Variants in CEP72 observed in about 807,000 individuals in gnomAD.
CEP72 encodes centrosomal protein 72.
A neutral mutation model predicts 65.7 loss-of-function variants in CEP72; 78 were observed. That is an observed-to-expected ratio of 1.19 (90% CI 0.99 to 1.43). CEP72 has a LOEUF of 1.43. CEP72 is among the 40% of genes most tolerant of loss of function. The probability of loss-of-function intolerance (pLI) is 0.00; values close to 1 mark genes in which losing one functional copy is unlikely to be tolerated. For synonymous variants in CEP72, 358 were observed against 351.7 expected, an observed-to-expected ratio of 1.02 and a Z score of -0.20; for missense variants, 914 against 832.9, an observed-to-expected ratio of 1.10 and a Z score of -1.20.
the CEP72 span, among the ~76,000 whole-genome samples, chr5:672,721 C>A: frequency 3.9e-5 from 6 of 152,236 alleles, no homozygotes; most frequent in African/African-American, 1.2e-4. Flanking sequence ...TACCGGGCCC[C>A]ACTCCCACCG....
chr5:633,847 C>A lies in CEP72; in HGVS notation c.591C>A (p.Val197=). Residue 197 remains valine, a synonymous_variant, in exon 5 of 12, where the codon GTC becomes GTA. Transcript: ENST00000264935. ...SLVMDADDEA[V]LNLIAECEWD... ...TCATGGATGCGGATGACGAGGCAGT[C>A]CTGAACCTCATTGCAGAGTGCGAGT... The A allele has an allele frequency of 1.2e-6, 2 of 1,614,020 alleles. No individual in the cohort carries two copies. The highest frequency in any genetic ancestry group is 1.7e-6 in the Non-Finnish European group (2 of 1,180,050).
chr5:675,052 TG>T, the CEP72 span, among the ~76,000 whole-genome samples: 1 of 13,458 alleles, frequency 7.4e-5, no homozygotes, highest in Non-Finnish European at 1.4e-4. Flanking sequence ...ACAGTATGGC[TG>T]GGGGTGCAGT....
At chr5:657,646 C>T (rs1217784776), downstream of CEP72, among the ~76,000 whole-genome samples, 2 of 152,164 alleles carry the variant, frequency 1.3e-5, no homozygotes, top group Non-Finnish European at 2.9e-5. Context: ...TCCCCCCTGC[C>T]TTTACGCTGC....
chr5:633,427 G>A (rs576103392), intron 4 of CEP72, among the ~76,000 whole-genome samples: 5 of 147,104 alleles, frequency 3.4e-5, no homozygotes, highest in East Asian at 4.1e-4. Flanking sequence ...GTCCAGTGCC[G>A]GGATTTAGAC....
the CEP72 span, among the ~76,000 whole-genome samples, chr5:673,070 C>T: frequency 6.6e-6 from 1 of 152,170 alleles, no homozygotes; most frequent in Non-Finnish European, 1.5e-5. Context: ...TACCGAAGGC[C>T]ACTTCCTCAC....
At position 637,618 on chromosome 5, in the gene CEP72, A is replaced by G. The variant is rs772479986; in HGVS notation, c.1006A>G (p.Arg336Gly). The G allele has an allele frequency of 6.8e-6, 11 of 1,614,096 alleles. No individual in the cohort carries two copies. The highest frequency in any genetic ancestry group is 9.3e-6 in the Non-Finnish European group (11 of 1,180,044). Reference protein sequence around the residue: ...LPAPGKCRKRRMPVGRFQTFS... With the variant: ...LPAPGKCRKRGMPVGRFQTFS... ...AGCCCCCGGAAAGTGCAGGAAGCGAAGAATGCCTGTTGGAAGATTCCAGAC... is the reference window on the plus strand; with the variant it reads ...AGCCCCCGGAAAGTGCAGGAAGCGAGGAATGCCTGTTGGAAGATTCCAGAC... The change falls in exon 7 of 12, where the codon AGA becomes GGA. Residue 336 changes from arginine (R) to glycine (G), a missense_variant. Transcript: ENST00000264935.
intron 4 of CEP72, among the ~76,000 whole-genome samples, chr5:628,393 G>T (rs1736894673): frequency 6.6e-6 from 1 of 151,670 alleles, no homozygotes; most frequent in Admixed American, 6.6e-5. Context: ...CCTTCTTTGT[G>T]CAGCTTCTGG....
intron 4 of CEP72, among the ~76,000 whole-genome samples, chr5:628,287 G>T (rs1374001569): frequency 6.6e-6 from 1 of 152,234 alleles, no homozygotes; most frequent in African/African-American, 2.4e-5. Flanking sequence ...AGATGACGTG[G>T]GTCAATGTCC....
chr5:638,169 G>T (rs557044340), intron 7 of CEP72, among the ~76,000 whole-genome samples: 1 of 152,224 alleles, frequency 6.6e-6, no homozygotes, highest in Non-Finnish European at 1.5e-5. Context: ...TGGAAGCCCC[G>T]TGGTGGAGAG....
At chr5:660,326 T>C (rs1739535495), downstream of CEP72, 1 of 152,118 alleles carries the variant, frequency 6.6e-6, no homozygotes. Context: ...CCTTTGTGGT[T>C]TGGCTTGGTT....
intron 9 of CEP72, chr5:641,821 T>A (rs1738055136): frequency 1.0e-6 from 1 of 982,592 alleles, no homozygotes; most frequent in African/African-American, 1.8e-5. Flanking sequence ...TGGTCCCCGG[T>A]CCAGAAGCCT....
intron 3 of CEP72, chr5:665,807 C>G: frequency 1.2e-6 from 1 of 822,278 alleles, no homozygotes; most frequent in African/African-American, 1.7e-5. Flanking sequence ...CTCCTCAGAC[C>G]CCACACCAGG....
chr5:619,275 A>G (rs1736218711), intron 2 of CEP72, among the ~76,000 whole-genome samples, 158 bp downstream of exon 2: 1 of 152,238 alleles, frequency 6.6e-6, no homozygotes, highest in African/African-American at 2.4e-5. Flanking sequence ...GCTACATTTC[A>G]TACACATCAC....
In CEP72 at chr5:623,623, T is replaced by C. The variant is rs1448868997; in HGVS notation, c.404-848T>C. Among the ~76,000 whole-genome samples the C allele has an allele frequency of 6.7e-6, 1 of 150,268 alleles. No homozygotes were observed. Among genetic ancestry groups the C allele is most frequent in the Non-Finnish European group, 1.5e-5 (1 of 67,598 alleles). Reference sequence around the variant, plus strand: ...TGGGCAGAGAGCTATGCGTCGTTAGTGCGGGGCTGGTGAAGGCCGGGGTGG... The same window carrying C: ...TGGGCAGAGAGCTATGCGTCGTTAGCGCGGGGCTGGTGAAGGCCGGGGTGG... On this transcript the variant is annotated intron_variant, in intron 3 of 11. Coordinates refer to ENST00000264935, the MANE Select transcript of CEP72 (RefSeq NM_018140.4). The surrounding 1 kb of genome is among the most constrained non-coding windows in gnomAD (Gnocchi z 5.3).
chr5:656,343 G>T (rs990965018), downstream of CEP72, among the ~76,000 whole-genome samples: 3 of 152,162 alleles, frequency 2.0e-5, no homozygotes, highest in Admixed American at 6.5e-5. Context: ...TTTTGTTTGG[G>T]ATTGTGTTGA....
intron 7 of CEP72, among the ~76,000 whole-genome samples, chr5:638,373 G>A (rs951229608): frequency 1.1e-4 from 17 of 152,154 alleles, no homozygotes; most frequent in African/African-American, 4.1e-4. Context: ...AGTCAGAGGC[G>A]TTGAGACACA....
intron 4 of CEP72, among the ~76,000 whole-genome samples, chr5:628,485 C>A (rs34964025): frequency 0.012 from 738 of 61,362 alleles, 10 homozygotes; most frequent in African/African-American, 0.051. Flanking sequence ...CTCAGGTTGC[C>A]GTCCCTGGGG....
intron 11 of CEP72, among the ~76,000 whole-genome samples, chr5:651,218 G>A (rs866034769): frequency 5.4e-5 from 5 of 92,026 alleles, no homozygotes; most frequent in Non-Finnish European, 1.1e-4. Flanking sequence ...ACTGTGAGGC[G>A]TGGACTGTGA....
At chr5:635,192 A>G (rs1438409082) in intron 5 of CEP72, among the ~76,000 whole-genome samples, 180 bp from the exon 6 acceptor site, 3 of 152,206 alleles carry the variant, frequency 2.0e-5, no homozygotes, top group Non-Finnish European at 4.4e-5. Context: ...GCCAGTTCCC[A>G]GTTCCAAGCT....
Sources: gnomAD v4.1 joint callset for allele counts (sites outside exome capture counted in the v4.1 genomes callset) on GRCh38, gnomAD v4.1.1 for gene constraint, Gnocchi (gnomAD v3.1) non-coding constraint, MANE v1.5 for transcripts, NCBI Gene and HGNC (gene_info 2026-07-23, HGNC 2026-07-21) for gene names.